Variants in COL11A1 observed in about 807,000 individuals in gnomAD.
COL11A1 encodes the protein collagen type XI alpha 1 chain, also known as collagen alpha-1(XI) chain.
In COL11A1, 74 loss-of-function variants were observed where a neutral mutation model predicts 265.2. The ratio of observed to expected loss-of-function variants is 0.28; its 90% confidence interval spans 0.23 to 0.34. COL11A1 has a LOEUF of 0.34. Among genes scored for constraint, COL11A1 ranks in the 10% least tolerant of loss-of-function variants. The pLI is 1.00. For missense variants in COL11A1, 2,165 were observed against 2,263.6 expected (o/e 0.96, Z 0.88); for synonymous variants, 816 against 727.6 (o/e 1.12, Z -1.96).
At chr1:103,040,286 A>G (rs1668708286) in intron 4 of COL11A1, among the ~76,000 whole-genome samples, 1 of 151,142 alleles carries the variant, frequency 6.6e-6, no homozygotes, top group Non-Finnish European at 1.5e-5. Context: ...TATATATATT[A>G]TATATAGACA....
At chr1:102,935,618 C>A (rs1174200852) in intron 44 of COL11A1, among the ~76,000 whole-genome samples, 1 of 152,110 alleles carries the variant, frequency 6.6e-6, no homozygotes, top group Admixed American at 6.5e-5. Flanking sequence ...ATTAAGTACA[C>A]CAGGACCTCT....
chr1:103,067,863 T>G (rs1330724499), intron 4 of COL11A1, among the ~76,000 whole-genome samples: 1 of 151,242 alleles, frequency 6.6e-6, no homozygotes, highest in African/African-American at 2.4e-5. Context: ...CTAGAAAAAT[T>G]TCTTGAAAAA....
chr1:102,965,078 AT>A, intron 38 of COL11A1, among the ~76,000 whole-genome samples: 1 of 152,272 alleles, frequency 6.6e-6, no homozygotes, highest in East Asian at 1.9e-4. Context: ...AAATTTTAGA[AT>A]GTATATTTCT....
intron 35 of COL11A1, among the ~76,000 whole-genome samples, chr1:102,975,351 GA>G (rs1489957951): frequency 6.6e-6 from 1 of 150,574 alleles, no homozygotes; most frequent in African/African-American, 2.4e-5. Context: ...AACTAAAAGA[GA>G]AAGTATGTGA....
intron 46 of COL11A1, among the ~76,000 whole-genome samples, chr1:102,929,472 C>CTATG (rs1557834149): frequency 6.6e-6 from 1 of 151,900 alleles, no homozygotes; most frequent in Non-Finnish European, 1.5e-5. Flanking sequence ...GGTACCAGTA[C>CTATG]CATGCTGTTT....
chr1:102,983,401 T>C (rs969382308), intron 31 of COL11A1, among the ~76,000 whole-genome samples: 13 of 152,090 alleles, frequency 8.5e-5, no homozygotes, highest in African/African-American at 3.1e-4. Flanking sequence ...ATTAAGGAAA[T>C]GGGATCCACC....
intron 41 of COL11A1, among the ~76,000 whole-genome samples, chr1:102,950,056 G>A (rs1041411055): frequency 3.9e-5 from 6 of 152,108 alleles, no homozygotes; most frequent in African/African-American, 1.4e-4. Context: ...AGCACTTTGG[G>A]AGGCCAAGGT....
chr1:102,884,173 C>G (rs952106430), intron 63 of COL11A1, among the ~76,000 whole-genome samples: 1 of 152,164 alleles, frequency 6.6e-6, no homozygotes, highest in Admixed American at 6.5e-5. Flanking sequence ...GCCCTCCTGT[C>G]TCTCATCCCT....
At chr1:103,085,477 G>A (rs1223489596) in intron 1 of COL11A1, among the ~76,000 whole-genome samples, 2 of 152,214 alleles carry the variant, frequency 1.3e-5, no homozygotes, top group Middle Eastern at 3.4e-3. Context: ...ATCCCACGGA[G>A]GCACAGGGAG....
intron 12 of COL11A1, 107 bp downstream of exon 12, chr1:103,015,561 T>C (rs1246726667): frequency 3.5e-6 from 3 of 853,156 alleles, no homozygotes; most frequent in South Asian, 3.3e-5. Context: ...ATTTCTACCT[T>C]GTACAATGGT....
Position 102,939,094 on chromosome 1 carries a change from A to G in COL11A1, c.3385-6T>C. ...CCCGGCTCACCAATTTCACCCTGAA[A>G]TTGAAAGATTTGACTTAGAGTTTAT... On this transcript the variant is annotated splice_region_variant and splice_polypyrimidine_tract_variant and intron_variant, in intron 43 of 66. Transcript: ENST00000370096. 1 of 1,613,402 alleles carries G rather than the reference A, an allele frequency of 6.2e-7. No individual in the cohort carries two copies. Among genetic ancestry groups the G allele is most frequent in the Non-Finnish European group, 8.5e-7 (1 of 1,179,560 alleles).
intron 7 of COL11A1, among the ~76,000 whole-genome samples, chr1:103,024,202 C>A (rs945934307): frequency 1.3e-5 from 2 of 152,124 alleles, no homozygotes; most frequent in Admixed American, 6.5e-5. Context: ...TCATACCTCA[C>A]TGCAGCCTGG....
At chr1:103,023,403 CTTG>C (rs1431510200) in intron 7 of COL11A1, among the ~76,000 whole-genome samples, 2 of 146,620 alleles carry the variant, frequency 1.4e-5, no homozygotes, top group African/African-American at 2.5e-5. Context: ...GAGTTTCACT[CTTG>C]TTGTGCAAGG....
chr1:102,878,913 G>A (rs1023757076), intron 66 of COL11A1, among the ~76,000 whole-genome samples: 1 of 151,874 alleles, frequency 6.6e-6, no homozygotes, highest in African/African-American at 2.4e-5. Flanking sequence ...AACACACAAG[G>A]TCAAATGTCA....
At chr1:102,903,705 C>T (rs1315203249) in intron 54 of COL11A1, among the ~76,000 whole-genome samples, 2 of 152,132 alleles carry the variant, frequency 1.3e-5, no homozygotes, top group East Asian at 3.9e-4. Flanking sequence ...ATATTGAACT[C>T]AAAGGTTTGT....
At chr1:103,024,281 C>T (rs1318572652) in intron 7 of COL11A1, among the ~76,000 whole-genome samples, 3 of 152,174 alleles carry the variant, frequency 2.0e-5, no homozygotes, top group Admixed American at 2.0e-4. Flanking sequence ...CATGCACCAG[C>T]ATGCCCAGCT....
chr1:102,957,884 G>A (rs1025453390), intron 41 of COL11A1, among the ~76,000 whole-genome samples: 1 of 151,886 alleles, frequency 6.6e-6, no homozygotes, highest in African/African-American at 2.4e-5. Context: ...GCAAGAATAA[G>A]AATAACAGAT....
chr1:102,882,821 T>C lies in COL11A1; in HGVS notation c.4971+378A>G, dbSNP rs1388292127. ...CAGAAAAGACTTGTATATAAAAGTT[T>C]AATTCTTTATAAAATTAGATATTTT... On this transcript the variant is annotated intron_variant, in intron 64 of 66. Transcript: ENST00000370096. Among the ~76,000 whole-genome samples, 9 of 152,298 alleles carry C rather than the reference T, an allele frequency of 5.9e-5. No homozygotes were observed. In the East Asian group the frequency reaches 1.5e-3, roughly 26 times the overall value.
intron 54 of COL11A1, among the ~76,000 whole-genome samples, chr1:102,901,697 T>A (rs1404157118): frequency 6.6e-6 from 1 of 152,178 alleles, no homozygotes; most frequent in Non-Finnish European, 1.5e-5. Context: ...TAGGGCCTAG[T>A]TAATTCTCCA....
Sources: gnomAD v4.1 joint callset for allele counts (sites outside exome capture counted in the v4.1 genomes callset) on GRCh38, gnomAD v4.1.1 for gene constraint, MANE v1.5 for transcripts, NCBI Gene and HGNC (gene_info 2026-07-23, HGNC 2026-07-21) for gene names.